The following PCNX2 variants were observed in gnomAD, a reference collection of about 807,000 sequenced individuals.
PCNX2 encodes pecanex 2.
PCNX2 carries 168 observed loss-of-function variants against 223.8 expected under a neutral mutation model. The observed-to-expected ratio is 0.75, with a 90% CI of 0.66 to 0.85. The LOEUF (loss-of-function observed/expected upper bound fraction) is 0.85. Among genes scored for constraint, PCNX2 ranks in the 40% least tolerant of loss-of-function variants. PCNX2 has a pLI of 0.00. For missense variants in PCNX2, 2,507 were observed against 2,675.5 expected (o/e 0.94, Z 1.39); for synonymous variants, 1,006 against 1,052.6 (o/e 0.96, Z 0.86).
intron 13 of PCNX2, among the ~76,000 whole-genome samples, chr1:233,204,619 G>A (rs185464877): frequency 1.2e-4 from 19 of 152,288 alleles, no homozygotes; most frequent in East Asian, 7.7e-4. Flanking sequence ...GTGTTCCCAC[G>A]TAAAGTCAGA....
chr1:233,054,414 C>T lies in PCNX2; in HGVS notation c.4205G>A (p.Cys1402Tyr). The T allele has an allele frequency of 2.5e-6, 4 of 1,613,882 alleles. No homozygotes were observed. The highest frequency in any genetic ancestry group is 3.4e-6 in the Non-Finnish European group (4 of 1,179,798). Residue 1402 changes from cysteine (C) to tyrosine (Y), a missense_variant, in exon 25 of 34, where the codon TGT (cysteine) becomes TAT (tyrosine). Cys to Tyr is a radical substitution (Grantham distance 194). Transcript: ENST00000258229. ...HLTRTLQESL[C>Y]GDLVLGRWGN... ...CCAACGTCCAAGAACTAAGTCTCCA[C>T]AGAGGGACTCCTGGAGGGTCCTTGT...
intron 25 of PCNX2, among the ~76,000 whole-genome samples, chr1:233,046,575 C>G (rs183482604): frequency 1.2e-4 from 18 of 152,258 alleles, no homozygotes; most frequent in Admixed American, 3.3e-4. Context: ...GGCAAGGGAA[C>G]TATCATTTTT....
intron 25 of PCNX2, among the ~76,000 whole-genome samples, chr1:233,038,782 G>C: frequency 6.6e-6 from 1 of 152,216 alleles, no homozygotes; most frequent in East Asian, 1.9e-4. Flanking sequence ...AAAGGTTTGG[G>C]TTGGATTTGC....
chr1:233,235,886 G>A (rs548116231), intron 9 of PCNX2, among the ~76,000 whole-genome samples: 1 of 147,982 alleles, frequency 6.8e-6, no homozygotes, highest in African/African-American at 2.5e-5. Context: ...ACAGGCGTGA[G>A]CCACTGCAGC....
intron 21 of PCNX2, among the ~76,000 whole-genome samples, chr1:233,103,754 A>G (rs1674620037): frequency 6.6e-6 from 1 of 152,188 alleles, no homozygotes; most frequent in African/African-American, 2.4e-5. Flanking sequence ...AGGAGTGCAG[A>G]TATCTCTTCA....
intron 3 of PCNX2, among the ~76,000 whole-genome samples, chr1:233,261,790 G>T (rs983694803): frequency 2.2e-4 from 33 of 152,236 alleles, no homozygotes; most frequent in African/African-American, 8.0e-4. Context: ...TGCCCAGTGT[G>T]GTTGACCCAG....
Position 233,057,208 on chromosome 1 carries a change from A to C in PCNX2, c.4135+24T>G, listed in dbSNP as rs770401543. On this transcript the variant is annotated intron_variant, in intron 24 of 33. Transcript: ENST00000258229. ...CATCCATACAACAATAAATAGTTGA[A>C]AAAGAGAGAAGAGATCTTCTTACCT... 4.0e-5 allele frequency: 62 copies of C among 1,554,718 alleles called. No homozygotes were observed. In the South Asian group the frequency reaches 6.8e-4, roughly 17 times the overall value.
rs1339288869 is a variant in PCNX2, at chr1:233,126,913, G to C, written c.3837+8100C>G. ...CTGAAGTATGCTGAGAGCTCTCCCA[G>C]AGGTGGCTTTCACCTGCACTGCACT... On this transcript the variant is annotated intron_variant, in intron 21 of 33. Coordinates refer to ENST00000258229, the MANE Select transcript of PCNX2 (RefSeq NM_014801.4). The surrounding 1 kb of genome is among the most constrained non-coding windows in gnomAD (Gnocchi z 4.8). Among the ~76,000 whole-genome samples the C allele has an allele frequency of 6.6e-6, 1 of 151,978 alleles. No individual in the cohort carries two copies. Among genetic ancestry groups the C allele is most frequent in the Non-Finnish European group, 1.5e-5 (1 of 68,010 alleles).
intron 17 of PCNX2, among the ~76,000 whole-genome samples, chr1:233,165,272 A>G (rs1678723565): frequency 6.6e-6 from 1 of 152,234 alleles, no homozygotes; most frequent in Non-Finnish European, 1.5e-5. Flanking sequence ...TCTTGTCAAT[A>G]GTTTTTAAAA....
intron 23 of PCNX2, among the ~76,000 whole-genome samples, chr1:233,085,886 C>T (rs1453964863): frequency 1.3e-5 from 2 of 152,164 alleles, no homozygotes; most frequent in Non-Finnish European, 2.9e-5. Context: ...GTCTCCAAAT[C>T]ACAACCACTC....
intron 15 of PCNX2, among the ~76,000 whole-genome samples, chr1:233,187,716 C>T (rs1572042437): frequency 6.6e-6 from 1 of 152,110 alleles, no homozygotes; most frequent in Non-Finnish European, 1.5e-5. Flanking sequence ...GTCAATTCTA[C>T]TTTTTTGCTG....
chr1:233,070,244 T>C (rs575130840), intron 23 of PCNX2, among the ~76,000 whole-genome samples: 1 of 151,892 alleles, frequency 6.6e-6, no homozygotes, highest in East Asian at 1.9e-4. Context: ...AAAATGAATC[T>C]CTAAGCTCTG....
chr1:233,192,582 C>G (rs1339748075), intron 15 of PCNX2, among the ~76,000 whole-genome samples: 2 of 151,860 alleles, frequency 1.3e-5, no homozygotes, highest in African/African-American at 4.8e-5. Context: ...CTAAAGGGAC[C>G]ACTTACAGAA....
chr1:233,001,575 C>A lies in PCNX2; in HGVS notation c.5059G>T (p.Val1687Leu), dbSNP rs1271611208. The A allele has an allele frequency of 6.0e-6, 9 of 1,509,668 alleles. No homozygotes were observed. Among genetic ancestry groups the A allele is most frequent in the East Asian group, 4.8e-5 (2 of 41,690 alleles). 93.5% of individuals were successfully genotyped at this position (1,509,668 alleles called of 1,614,324 possible). The change falls in exon 29 of 34, where the codon GTA (valine) becomes TTA (leucine). Residue 1687 changes from valine to leucine, a missense_variant. By Grantham distance (32) the Val-to-Leu change is conservative (BLOSUM62 1). This residue lies in a region of PCNX2 where 1,372 missense variants were observed against 1,509.4 expected (regional missense o/e 0.91). Transcript: ENST00000258229. This position sits in a 1 kb window ranked among gnomAD's most constrained non-coding sequence, Gnocchi z 4.2. ...FADMDLLHKVVAPAIRMSLKL... is the reference protein window; with the variant it reads ...FADMDLLHKVLAPAIRMSLKL... ...AGGGACATCCTGATAGCTGGAGCTACAACTTTATGCAGTAGGTCCATGTCA... is the reference window on the plus strand; with the variant it reads ...AGGGACATCCTGATAGCTGGAGCTAAAACTTTATGCAGTAGGTCCATGTCA...
At chr1:233,074,590 G>A (rs558921853) in intron 23 of PCNX2, among the ~76,000 whole-genome samples, 5 of 67,980 alleles carry the variant, frequency 7.4e-5, no homozygotes, top group East Asian at 5.0e-4. Flanking sequence ...GCGAGACTCC[G>A]TCTCAAAAAA....
chr1:233,221,504 C>A (rs1657378275), intron 10 of PCNX2, among the ~76,000 whole-genome samples: 1 of 152,202 alleles, frequency 6.6e-6, no homozygotes, highest in African/African-American at 2.4e-5. Flanking sequence ...CCAATCCTCT[C>A]TCCCTCAGTT....
chr1:233,016,812 C>A, intron 27 of PCNX2, 109 bp downstream of exon 27: 1 of 1,465,282 alleles, frequency 6.8e-7, no homozygotes, highest in South Asian at 1.4e-5. Context: ...TTTTTTCTAT[C>A]CTCTATGTTA....
chr1:233,283,087 G>C (rs1191834139), intron 1 of PCNX2, among the ~76,000 whole-genome samples: 1 of 151,540 alleles, frequency 6.6e-6, no homozygotes, highest in Non-Finnish European at 1.5e-5. Context: ...TTTGTCTATG[G>C]TGGTGTTATG....
intron 9 of PCNX2, among the ~76,000 whole-genome samples, chr1:233,230,003 T>C (rs1287541614): frequency 6.6e-6 from 1 of 152,230 alleles, no homozygotes; most frequent in Non-Finnish European, 1.5e-5. Context: ...ATCATTTTAA[T>C]ATCATTCATG....
Sources: allele counts gnomAD v4.1 joint callset (sites outside exome capture counted in the v4.1 genomes callset), GRCh38; gene constraint gnomAD v4.1.1; regional missense constraint gnomAD v4.1.1; non-coding constraint Gnocchi (gnomAD v3.1); transcripts MANE v1.5; gene names NCBI Gene and HGNC (gene_info 2026-07-23, HGNC 2026-07-21).